Variants in PPP2R2B observed in about 807,000 individuals in gnomAD.
PPP2R2B encodes protein phosphatase 2 regulatory subunit Bbeta, also known as serine/threonine-protein phosphatase 2A 55 kDa regulatory subunit B beta isoform.
Under a neutral mutation model 46.0 loss-of-function variants are expected in PPP2R2B, and 5 were observed. The observed-to-expected ratio is 0.11, with a 90% CI of 0.06 to 0.23. The LOEUF is 0.23. PPP2R2B is among the 10% of genes least tolerant of loss of function. The pLI, the probability that PPP2R2B is intolerant of heterozygous loss-of-function variation, is 1.00. For missense variants in PPP2R2B, 367 were observed against 575.0 expected (o/e 0.64, Z 3.70); for synonymous variants, 215 against 206.7 (o/e 1.04, Z -0.34).
At chr5:146,990,111 G>A (rs969735131) in intron 1 of PPP2R2B, among the ~76,000 whole-genome samples, 6 of 114,220 alleles carry the variant, frequency 5.3e-5, no homozygotes, top group African/African-American at 1.6e-4. Context: ...GACATCCTGT[G>A]TTCATGGATT....
At chr5:146,893,882 G>GAAAAAAA (rs11341457) in intron 1 of PPP2R2B, among the ~76,000 whole-genome samples, 1 of 121,300 alleles carries the variant, frequency 8.2e-6, no homozygotes. Flanking sequence ...AAGTAAAATT[G>GAAAAAAA]AAAAAAAAAA....
intron 5 of PPP2R2B, 78 bp downstream of exon 5, chr5:146,691,050 A>T: frequency 1.6e-6 from 2 of 1,259,326 alleles, no homozygotes; most frequent in Non-Finnish European, 2.3e-6. Context: ...GTTGCAACCT[A>T]CAGTAACAAC....
At chr5:146,882,415 C>T (rs1762197257), upstream of PPP2R2B, among the ~76,000 whole-genome samples, 1 of 152,142 alleles carries the variant, frequency 6.6e-6, no homozygotes, top group South Asian at 2.1e-4. Context: ...TCTATATCGA[C>T]AGACTATAGT....
chr5:146,971,533 T>C (rs1752660640), intron 1 of PPP2R2B, among the ~76,000 whole-genome samples: 1 of 152,246 alleles, frequency 6.6e-6, no homozygotes, highest in African/African-American at 2.4e-5. Context: ...CCAATCTTTT[T>C]CTATGAGAAA....
chr5:146,714,017 G>T (rs114701880), intron 2 of PPP2R2B, among the ~76,000 whole-genome samples: 1 of 152,126 alleles, frequency 6.6e-6, no homozygotes, highest in East Asian at 1.9e-4. Flanking sequence ...GGGAGTGAGT[G>T]CATTAAAATA....
At chr5:146,845,871 A>C (rs1759969374) in intron 2 of PPP2R2B, among the ~76,000 whole-genome samples, 1 of 152,128 alleles carries the variant, frequency 6.6e-6, no homozygotes, top group African/African-American at 2.4e-5. Context: ...TAACTTTGGG[A>C]GCTCCAGACC....
chr5:146,706,046 C>T (rs369110472), intron 2 of PPP2R2B, among the ~76,000 whole-genome samples: 1 of 151,574 alleles, frequency 6.6e-6, no homozygotes, highest in African/African-American at 2.4e-5. Flanking sequence ...GGGCAAGGGG[C>T]GGGGGTCCCC....
At chr5:146,706,454 G>C (rs1779858252) in intron 2 of PPP2R2B, 12 of 1,092,438 alleles carry the variant, frequency 1.1e-5, no homozygotes, top group African/African-American at 1.6e-5. Flanking sequence ...GCAGCTTCCT[G>C]TAGGTGGCGA....
intron 1 of PPP2R2B, among the ~76,000 whole-genome samples, chr5:146,935,214 C>T (rs1764100869): frequency 1.3e-5 from 2 of 152,112 alleles, no homozygotes; most frequent in Admixed American, 1.3e-4. Context: ...GGGCAGAGCC[C>T]TCACAAATGG....
chr5:146,942,414 C>G (rs1394853589), intron 1 of PPP2R2B, among the ~76,000 whole-genome samples: 1 of 152,186 alleles, frequency 6.6e-6, no homozygotes, highest in African/African-American at 2.4e-5. Flanking sequence ...AAGTCAAGTT[C>G]AAGGACAGAA....
chr5:146,918,629 A>T (rs183068832), intron 1 of PPP2R2B, among the ~76,000 whole-genome samples: 34 of 152,272 alleles, frequency 2.2e-4, no homozygotes, highest in African/African-American at 7.7e-4. Flanking sequence ...TCTCAACCTC[A>T]TCTAATACCA....
chr5:146,730,728 A>G (rs974761934), intron 2 of PPP2R2B, among the ~76,000 whole-genome samples: 1 of 152,196 alleles, frequency 6.6e-6, no homozygotes, highest in African/African-American at 2.4e-5. Context: ...ACCTCCTGAC[A>G]TGCTTCTGAG....
chr5:146,663,821 T>C (rs2151111467), intron 5 of PPP2R2B, among the ~76,000 whole-genome samples: 1 of 151,940 alleles, frequency 6.6e-6, no homozygotes, highest in South Asian at 2.1e-4. Context: ...CTGTTGCAAT[T>C]TATTTTATTT....
At chr5:146,966,895 C>T (rs1752442490) in intron 1 of PPP2R2B, among the ~76,000 whole-genome samples, 1 of 152,104 alleles carries the variant, frequency 6.6e-6, no homozygotes, top group African/African-American at 2.4e-5. Flanking sequence ...TGTCACCACC[C>T]ACATAGGATC....
chr5:146,941,223 C>T (rs1256925299), intron 1 of PPP2R2B, among the ~76,000 whole-genome samples: 1 of 152,162 alleles, frequency 6.6e-6, no homozygotes, highest in Admixed American at 6.5e-5. Flanking sequence ...TTTCTTCTCC[C>T]CAACAAATGC....
chr5:146,795,838 A>C (rs1247396530), intron 2 of PPP2R2B, among the ~76,000 whole-genome samples: 1 of 152,196 alleles, frequency 6.6e-6, no homozygotes, highest in African/African-American at 2.4e-5. Flanking sequence ...TGACTAAAAA[A>C]CAGAAGATTC....
chr5:146,675,773 C>CAGCA (rs1777668560), intron 5 of PPP2R2B, among the ~76,000 whole-genome samples: 1 of 152,076 alleles, frequency 6.6e-6, no homozygotes, highest in Non-Finnish European at 1.5e-5. Flanking sequence ...TGGAGGAAAG[C>CAGCA]AGCAGCTCTT....
intron 1 of PPP2R2B, among the ~76,000 whole-genome samples, chr5:147,036,946 C>T (rs1002222315): frequency 2.6e-5 from 4 of 152,152 alleles, no homozygotes; most frequent in Non-Finnish European, 5.9e-5. Flanking sequence ...AGAAATTTTG[C>T]TAACCCCTCC....
In PPP2R2B at chr5:146,904,734, G is replaced by A. The variant is rs142121915; in HGVS notation, c.79+150931C>T. Among the ~76,000 whole-genome samples, 459 of 152,242 alleles carry A rather than the reference G, an allele frequency of 3.0e-3. 6 individuals are homozygous for A. Among genetic ancestry groups the A allele is most frequent in the African/African-American group, 9.4e-3 (391 of 41,552 alleles). On this transcript the variant is annotated intron_variant, in intron 1 of 8. Transcript: ENST00000336640. The stretch of plus-strand genomic sequence containing the variant: ...TTGAGAGAAAAGCAGAAACAGTTAA[G>A]AACACAGTGATGAACCCAAAGGTGC...
Sources: gnomAD v4.1 joint callset for allele counts (sites outside exome capture counted in the v4.1 genomes callset) on GRCh38, gnomAD v4.1.1 for gene constraint, MANE v1.5 for transcripts, NCBI Gene and HGNC (gene_info 2026-07-23, HGNC 2026-07-21) for gene names.